Variants in NME6 observed in about 807,000 individuals in gnomAD.
NME6 encodes NME/NM23 nucleoside diphosphate kinase 6, also known as nucleoside diphosphate kinase 6, mitochondrial.
Under a neutral mutation model 22.2 loss-of-function variants are expected in NME6, and 16 were observed. The ratio of observed to expected loss-of-function variants is 0.72; its 90% CI spans 0.49 to 1.09. The LOEUF (loss-of-function observed/expected upper bound fraction) is 1.09, where lower values mean the gene tolerates loss of function less well. NME6 is among the 50% of genes least tolerant of loss of function. The probability of loss-of-function intolerance (pLI) is 0.00; values close to 1 mark genes in which losing one functional copy is unlikely to be tolerated. For missense variants in NME6, 229 were observed against 239.0 expected, an observed-to-expected ratio of 0.96 and a Z score of 0.28; for synonymous variants, 58 against 85.2, an observed-to-expected ratio of 0.68 and a Z score of 1.76.
chr3:48,299,787 A>G (rs1183978413), intron 1 of NME6, among the ~76,000 whole-genome samples: 1 of 152,146 alleles, frequency 6.6e-6, no homozygotes, highest in Admixed American at 6.5e-5. Flanking sequence ...TCCTTTCTAC[A>G]GCTTTCAACC....
downstream of NME6, chr3:48,291,344 G>A (rs939237868): frequency 1.3e-5 from 6 of 473,098 alleles, no homozygotes; most frequent in African/African-American, 8.3e-5. Context: ...CTTCATGGTC[G>A]CAGACTTCCT....
chr3:48,290,377 C>T (rs183624251), downstream of NME6, among the ~76,000 whole-genome samples: 31 of 151,996 alleles, frequency 2.0e-4, no homozygotes, highest in East Asian at 4.2e-3. Flanking sequence ...TTATGGGTTA[C>T]AAAATGATGT....
Position 48,294,476 on chromosome 3 carries a change from A to G in NME6, c.*161T>C. 1.6e-6 allele frequency: 1 copy of G among 620,484 alleles called. No homozygotes were observed. 38.4% of individuals were successfully genotyped at this position (620,484 alleles called of 1,614,324 possible). On this transcript the variant is annotated 3_prime_UTR_variant, in exon 6 of 6. Coordinates refer to ENST00000442597, the MANE Select transcript of NME6 (RefSeq NM_001308426.2). ...CCAGAGAAGAGGTAGATAGAAGGCT[A>G]GATCCTGGAGGATGTGCTGTGGTGA...
At chr3:48,289,128 G>T (rs1245696624), downstream of NME6, among the ~76,000 whole-genome samples, 4 of 151,868 alleles carry the variant, frequency 2.6e-5, no homozygotes, top group African/African-American at 9.7e-5. Context: ...GCAATGGCGT[G>T]ATCTCAGCTC....
intron 4 of NME6, chr3:48,295,672 G>A (rs1326799575): frequency 4.0e-6 from 1 of 247,766 alleles, no homozygotes; most frequent in Middle Eastern, 1.4e-3. Context: ...TTCCCGAGTA[G>A]TTGGGATTAC....
At chr3:48,291,212 G>T, downstream of NME6, 1 of 365,588 alleles carries the variant, frequency 2.7e-6, no homozygotes, top group South Asian at 2.3e-5. Context: ...GTAATATATT[G>T]GAAAAATAAG....
chr3:48,292,995 G>C lies in NME6; in HGVS notation c.*1642C>G, dbSNP rs2034665935. On this transcript the variant is annotated 3_prime_UTR_variant, in exon 6 of 6. Coordinates refer to ENST00000442597, the MANE Select transcript of NME6 (RefSeq NM_001308426.2). ...TTGCCCTGTGGGACTTGGAGGGCAA[G>C]GGAGACCAAGGCTAACACACTGCCT... is the stretch of plus-strand genomic sequence containing the variant. 6.6e-6 allele frequency: 1 copy of C among 152,256 alleles called. No individual in the cohort carries two copies. Among genetic ancestry groups the C allele is most frequent in the African/African-American group, 2.4e-5 (1 of 41,460 alleles). 9.4% of individuals were successfully genotyped at this position (152,256 alleles called of 1,614,324 possible).
intron 1 of NME6, chr3:48,300,518 A>T: frequency 2.7e-6 from 1 of 370,262 alleles, no homozygotes. Context: ...CAGAAGGTGT[A>T]AGCAGTACCT....
In NME6 at chr3:48,292,345, A is replaced by G. The variant is rs2034576363; in HGVS notation, c.*2292T>C. ...AATTCGACACCACAGGGTTTATTCT[A>G]GTTTTCTCCCTTTCCATATTTGTGG... On this transcript the variant is annotated 3_prime_UTR_variant, in exon 6 of 6. Coordinates refer to ENST00000442597, the MANE Select transcript of NME6 (RefSeq NM_001308426.2). 1 of 152,134 alleles carries G rather than the reference A, an allele frequency of 6.6e-6. No individual in the cohort carries two copies. 9.4% of individuals were successfully genotyped at this position (152,134 alleles called of 1,614,324 possible). A position where few individuals can be genotyped will look rare whatever the true frequency, so the allele number is the denominator to read the frequency against.
At position 48,294,670 on chromosome 3, in the gene NME6, A is replaced by C; in HGVS notation, c.528T>G (p.Tyr176Ter). The C allele has an allele frequency of 1.2e-6, 2 of 1,614,174 alleles. No individual in the cohort carries two copies. The highest frequency in any genetic ancestry group is 1.7e-6 in the Non-Finnish European group (2 of 1,180,018). The change falls in exon 6 of 6, where the codon TAT (tyrosine) becomes TAG (stop). Residue 176 changes from tyrosine to a stop codon, truncating the protein, a stop_gained. Transcript: ENST00000442597. LOFTEE classifies it high-confidence loss of function. ...VCYSPEGGVH[Y>*]VAGTGGLGPA Reference sequence around the variant, plus strand: ...GTCCTAGGCCTCCTGTTCCAGCTACATAGTGGACACCTCCCTCTGGGCTAT... The same window carrying C: ...GTCCTAGGCCTCCTGTTCCAGCTACCTAGTGGACACCTCCCTCTGGGCTAT...
downstream of NME6, chr3:48,288,742 T>G (rs543764203): frequency 6.6e-6 from 1 of 152,130 alleles, no homozygotes; most frequent in Admixed American, 6.5e-5. Flanking sequence ...GTGGTACATG[T>G]TATGAAGAGC....
intron 4 of NME6, 99 bp downstream of exon 4, chr3:48,296,020 T>C (rs2035054280): frequency 2.2e-6 from 2 of 918,156 alleles, no homozygotes; most frequent in Non-Finnish European, 3.6e-6. Context: ...CCTGGCCTGA[T>C]TACAACTTTA....
chr3:48,298,868 G>A (rs955543979), intron 1 of NME6: 1 of 669,150 alleles, frequency 1.5e-6, no homozygotes, highest in Non-Finnish European at 2.7e-6. Flanking sequence ...ATTTTACAGA[G>A]GATTTACAAT....
At chr3:48,298,563 C>T in intron 1 of NME6, 40 bp from the exon 2 acceptor site, 1 of 1,451,214 alleles carries the variant, frequency 6.9e-7, no homozygotes, top group Non-Finnish European at 9.3e-7. Context: ...TTCAGGACGG[C>T]ACTCCCAGCC....
At chr3:48,299,330 G>C in intron 1 of NME6, 1 of 195,372 alleles carries the variant, frequency 5.1e-6, no homozygotes, top group Non-Finnish European at 1.0e-5. Flanking sequence ...GGACATAAAA[G>C]CATTTTATAA....
At chr3:48,295,574 C>T (rs963500079) in intron 4 of NME6, 1 of 268,076 alleles carries the variant, frequency 3.7e-6, no homozygotes, top group Non-Finnish European at 7.1e-6. Context: ...TGGAGTCTCA[C>T]TCTGTTGCCC....
chr3:48,300,057 TC>T (rs2035531451), intron 1 of NME6, among the ~76,000 whole-genome samples: 1 of 152,144 alleles, frequency 6.6e-6, no homozygotes, highest in South Asian at 2.1e-4. Context: ...ACATCATCAT[TC>T]CCCTCTGGAC....
At chr3:48,289,376 T>A (rs2034310172), downstream of NME6, among the ~76,000 whole-genome samples, 1 of 152,022 alleles carries the variant, frequency 6.6e-6, no homozygotes, top group South Asian at 2.1e-4. Context: ...GCCTAAAAAA[T>A]AACACTTTTT....
chr3:48,298,549 A>G, intron 1 of NME6, 26 bp from the exon 2 acceptor site: 1 of 1,528,734 alleles, frequency 6.5e-7, no homozygotes, highest in Non-Finnish European at 8.8e-7. Flanking sequence ...TGTATTAGGA[A>G]CCCTTCAGGA....
Sources: allele counts gnomAD v4.1 joint callset (sites outside exome capture counted in the v4.1 genomes callset), GRCh38; gene constraint gnomAD v4.1.1; transcripts MANE v1.5; gene names NCBI Gene and HGNC (gene_info 2026-07-23, HGNC 2026-07-21).